CDKAL1: variants seen among roughly 807,000 people sequenced by gnomAD.
The protein encoded by CDKAL1 is threonylcarbamoyladenosine tRNA methylthiotransferase.
CDKAL1 carries 32 observed loss-of-function variants against 68.2 expected under a neutral mutation model. That is an observed-to-expected ratio of 0.47 (90% CI 0.35 to 0.63). CDKAL1 has a LOEUF of 0.63. CDKAL1 is among the 30% of genes least tolerant of loss of function. The pLI is 0.00. For synonymous variants in CDKAL1, 234 were observed against 244.3 expected (o/e 0.96, Z 0.39); for missense variants, 606 against 696.7 (o/e 0.87, Z 1.47).
intron 5 of CDKAL1, among the ~76,000 whole-genome samples, chr6:20,731,814 A>T (rs1031515239): frequency 7.2e-5 from 11 of 152,142 alleles, no homozygotes; most frequent in African/African-American, 2.7e-4. Context: ...ACCTAGAGTT[A>T]AATGGGCCCA....
At chr6:20,576,495 C>G (rs1180707023) in intron 4 of CDKAL1, among the ~76,000 whole-genome samples, 1 of 152,102 alleles carries the variant, frequency 6.6e-6, no homozygotes, top group Admixed American at 6.5e-5. Flanking sequence ...TAATAAAAAT[C>G]AACAGTTTTA....
intron 15 of CDKAL1, among the ~76,000 whole-genome samples, chr6:21,213,039 G>T (rs1394993064): frequency 6.6e-6 from 1 of 152,106 alleles, no homozygotes; most frequent in Non-Finnish European, 1.5e-5. Context: ...CCTTCCACAG[G>T]CCCCTGGCTC....
intron 9 of CDKAL1, among the ~76,000 whole-genome samples, chr6:20,913,616 C>G (rs558172152): frequency 6.6e-6 from 1 of 152,322 alleles, no homozygotes; most frequent in South Asian, 2.1e-4. Context: ...AGTGTGACTC[C>G]ACACTGCCCA....
At chr6:20,537,882 A>G (rs1234842604) in intron 2 of CDKAL1, among the ~76,000 whole-genome samples, 5 of 49,318 alleles carry the variant, frequency 1.0e-4, no homozygotes, top group Middle Eastern at 0.018. Context: ...AGGCTAAACA[A>G]TTCCCTCTAT....
At chr6:20,729,198 AG>A (rs1561723074) in intron 5 of CDKAL1, among the ~76,000 whole-genome samples, 2 of 152,162 alleles carry the variant, frequency 1.3e-5, no homozygotes, top group African/African-American at 2.4e-5. Context: ...CAAGTTAGGC[AG>A]GTAGTTAGGG....
chr6:20,920,895 A>G (rs1762923971), intron 9 of CDKAL1, among the ~76,000 whole-genome samples: 1 of 152,192 alleles, frequency 6.6e-6, no homozygotes, highest in African/African-American at 2.4e-5. Flanking sequence ...TGTTACCTTA[A>G]CAATATGGCC....
At chr6:20,992,998 A>C (rs1766921946) in intron 10 of CDKAL1, among the ~76,000 whole-genome samples, 1 of 152,156 alleles carries the variant, frequency 6.6e-6, no homozygotes, top group Non-Finnish European at 1.5e-5. Context: ...AACAAGTCAC[A>C]TATTATATGA....
chr6:21,231,041 A>G lies in CDKAL1; in HGVS notation c.*2A>G. On this transcript the variant is annotated 3_prime_UTR_variant, in exon 16 of 16. Transcript: ENST00000274695. Reference sequence around the variant, plus strand: ...TTTTTTGTCAAGGTCTATAATTAGAATACAACTAATGGAAACATCTATAAA... The same window carrying G: ...TTTTTTGTCAAGGTCTATAATTAGAGTACAACTAATGGAAACATCTATAAA... The G allele has an allele frequency of 6.9e-6, 11 of 1,585,324 alleles. No individual in the cohort carries two copies. Among genetic ancestry groups the G allele is most frequent in the Non-Finnish European group, 9.5e-6 (11 of 1,159,742 alleles).
At position 21,168,730 on chromosome 6, in the gene CDKAL1, A is replaced by G. The variant is rs1331708305; in HGVS notation, c.1300-29291A>G. Among the ~76,000 whole-genome samples the G allele has an allele frequency of 3.3e-5, 5 of 152,218 alleles. No homozygotes were observed. The East Asian group carries it at 9.6e-4, about 29-fold the overall frequency. On this transcript the variant is annotated intron_variant, in intron 13 of 15. Coordinates refer to ENST00000274695, the MANE Select transcript of CDKAL1 (RefSeq NM_017774.3). ...TCATACCCATACCCACATAAATAGC[A>G]GGCTTTTACCAGTTTTCTTTTAGGT...
intron 5 of CDKAL1, among the ~76,000 whole-genome samples, chr6:20,658,498 C>T (rs1028760358): frequency 7.9e-5 from 12 of 152,200 alleles, no homozygotes; most frequent in African/African-American, 2.9e-4. Flanking sequence ...TATAGGAAAG[C>T]ACCTTCCATG....
At chr6:20,923,956 G>C (rs944522582) in intron 9 of CDKAL1, among the ~76,000 whole-genome samples, 2 of 151,890 alleles carry the variant, frequency 1.3e-5, no homozygotes, top group African/African-American at 4.8e-5. Context: ...AGGTTGCAGT[G>C]AGCTGAGATC....
At chr6:21,075,313 T>A (rs1032883955) in intron 12 of CDKAL1, among the ~76,000 whole-genome samples, 2 of 146,600 alleles carry the variant, frequency 1.4e-5, no homozygotes, top group African/African-American at 5.1e-5. Flanking sequence ...AATATTAGCA[T>A]TAATATAAAT....
rs141783162 is a variant in CDKAL1, at chr6:21,169,455, C to T, written c.1300-28566C>T. 3.6e-3 allele frequency among the ~76,000 whole-genome samples: 550 copies of T among 152,146 alleles called. 5 individuals are homozygous for T. Among genetic ancestry groups the T allele is most frequent in the African/African-American group, 0.013 (529 of 41,522 alleles). On this transcript the variant is annotated intron_variant, in intron 13 of 15. Transcript: ENST00000274695. ...TTCAGGACCAGCCTGGCCAACATGG[C>T]GAAACCCTGTCTCTACCAAAACATA...
At chr6:20,653,192 T>G (rs1768853865) in intron 5 of CDKAL1, among the ~76,000 whole-genome samples, 1 of 152,222 alleles carries the variant, frequency 6.6e-6, no homozygotes, top group Non-Finnish European at 1.5e-5. Flanking sequence ...TAAACATGTT[T>G]TCCGGTGCAC....
chr6:20,817,033 A>G (rs1777076182), intron 8 of CDKAL1, among the ~76,000 whole-genome samples: 1 of 152,136 alleles, frequency 6.6e-6, no homozygotes, highest in African/African-American at 2.4e-5. Flanking sequence ...GCACTGCGCT[A>G]TGTTGCATAT....
chr6:20,704,256 T>A (rs1771501718), intron 5 of CDKAL1, among the ~76,000 whole-genome samples: 1 of 152,160 alleles, frequency 6.6e-6, no homozygotes, highest in East Asian at 1.9e-4. Context: ...TGCTGTCATG[T>A]AGCTTAAAGA....
intron 5 of CDKAL1, among the ~76,000 whole-genome samples, chr6:20,673,050 T>G (rs1440630849): frequency 6.6e-6 from 1 of 152,254 alleles, no homozygotes; most frequent in African/African-American, 2.4e-5. Flanking sequence ...GTGCTGGGAT[T>G]ACAGGCCTGA....
intron 11 of CDKAL1, among the ~76,000 whole-genome samples, chr6:21,011,852 A>G (rs1287766874): frequency 6.6e-6 from 1 of 152,218 alleles, no homozygotes; most frequent in East Asian, 1.9e-4. Flanking sequence ...ACTAGGTTAC[A>G]TACATACATG....
Position 20,910,577 on chromosome 6 carries a change from A to G in CDKAL1, c.743-44842A>G, listed in dbSNP as rs996183878. Among the ~76,000 whole-genome samples the G allele has an allele frequency of 3.3e-5, 5 of 152,194 alleles. No homozygotes were observed. In the South Asian group the frequency reaches 6.2e-4, roughly 19 times the overall value. ...TAGATTAGAGTTCTCTTGGACTTCA[A>G]TGCAGGTGTTACCTCAGACCCCCTC... On this transcript the variant is annotated intron_variant, in intron 9 of 15. Transcript: ENST00000274695.
Sources: gnomAD v4.1 joint callset for allele counts (sites outside exome capture counted in the v4.1 genomes callset) on GRCh38, gnomAD v4.1.1 for gene constraint, MANE v1.5 for transcripts, NCBI Gene and HGNC (gene_info 2026-07-23, HGNC 2026-07-21) for gene names.